Variants in DSCAM observed in about 807,000 individuals in gnomAD.
DSCAM encodes the protein cell adhesion molecule DSCAM.
DSCAM carries 47 observed loss-of-function variants against 217.7 expected under a neutral mutation model. The observed-to-expected ratio is 0.22, with a 90% CI of 0.17 to 0.28. DSCAM has a LOEUF of 0.28. Ranked by LOEUF, DSCAM falls within the 10% of genes least tolerant of loss-of-function variation. DSCAM has a pLI of 1.00. For synonymous variants in DSCAM, 1,056 were observed against 1,015.3 expected (o/e 1.04, Z -0.76); for missense variants, 2,080 against 2,618.3 (o/e 0.79, Z 4.49).
chr21:40,166,831 C>T (rs1468418438), intron 16 of DSCAM, among the ~76,000 whole-genome samples: 1 of 152,018 alleles, frequency 6.6e-6, no homozygotes, highest in East Asian at 1.9e-4. Context: ...TGTTTTCTGC[C>T]ACCTCGGTGG....
At chr21:40,210,747 G>A (rs574874310) in intron 11 of DSCAM, among the ~76,000 whole-genome samples, 1 of 152,288 alleles carries the variant, frequency 6.6e-6, no homozygotes, top group East Asian at 1.9e-4. Flanking sequence ...GTTCCACCAT[G>A]TTGGCCAGGC....
intron 10 of DSCAM, among the ~76,000 whole-genome samples, chr21:40,278,800 A>T (rs1411173679): frequency 6.6e-6 from 1 of 152,140 alleles, no homozygotes. Flanking sequence ...AGAAGAATTG[A>T]TCTTTGTCCT....
At chr21:40,702,569 C>T (rs1275422179) in intron 2 of DSCAM, among the ~76,000 whole-genome samples, 1 of 152,066 alleles carries the variant, frequency 6.6e-6, no homozygotes, top group Non-Finnish European at 1.5e-5. Flanking sequence ...GTGTTAAATC[C>T]AATCTGGCAA....
intron 11 of DSCAM, among the ~76,000 whole-genome samples, chr21:40,200,502 A>G (rs1601434438): frequency 6.6e-6 from 1 of 152,208 alleles, no homozygotes; most frequent in East Asian, 1.9e-4. Flanking sequence ...CTAAGCCTGA[A>G]TTATATTTCA....
Position 40,636,883 on chromosome 21 carries a change from A to G in DSCAM, c.508+55927T>C, listed in dbSNP as rs577997704. ...GGATCAGAGACAGGCAGCTAATAAAAGGTTCATCAGGAATGGCTGAGAAGC... is the reference window on the plus strand; with the variant it reads ...GGATCAGAGACAGGCAGCTAATAAAGGGTTCATCAGGAATGGCTGAGAAGC... On this transcript the variant is annotated intron_variant, in intron 3 of 32. Coordinates refer to ENST00000400454, the MANE Select transcript of DSCAM (RefSeq NM_001389.5). Among the ~76,000 whole-genome samples the G allele has an allele frequency of 2.7e-5, 4 of 150,284 alleles. No homozygotes were observed. The South Asian group carries it at 6.3e-4, about 24-fold the overall frequency.
chr21:40,523,621 C>A (rs1376885713), intron 3 of DSCAM, among the ~76,000 whole-genome samples: 1 of 152,146 alleles, frequency 6.6e-6, no homozygotes, highest in African/African-American at 2.4e-5. Context: ...TTCCACTCAA[C>A]AAAACCTTGC....
chr21:40,609,083 T>C (rs183962957), intron 3 of DSCAM, among the ~76,000 whole-genome samples: 21 of 152,288 alleles, frequency 1.4e-4, no homozygotes, highest in African/African-American at 4.8e-4. Context: ...GGCCCCTGCA[T>C]AGCTTGGACT....
At chr21:40,521,781 T>C (rs2076361203) in intron 3 of DSCAM, among the ~76,000 whole-genome samples, 2 of 152,148 alleles carry the variant, frequency 1.3e-5, no homozygotes, top group Admixed American at 6.5e-5. Context: ...GTGCTGGCGT[T>C]CTGTTGCACA....
At chr21:40,147,421 C>A (rs2090370123) in intron 16 of DSCAM, among the ~76,000 whole-genome samples, 1 of 152,158 alleles carries the variant, frequency 6.6e-6, no homozygotes, top group Non-Finnish European at 1.5e-5. Flanking sequence ...CTATAATAGA[C>A]AACGCAGGTG....
At chr21:40,486,711 G>A (rs2076031411) in intron 3 of DSCAM, among the ~76,000 whole-genome samples, 1 of 152,044 alleles carries the variant, frequency 6.6e-6, no homozygotes, top group Admixed American at 6.6e-5. Context: ...ATTTTCACGG[G>A]GTAAACTGAT....
chr21:40,649,773 C>T (rs1195933451), intron 3 of DSCAM, among the ~76,000 whole-genome samples: 1 of 152,210 alleles, frequency 6.6e-6, no homozygotes, highest in Non-Finnish European at 1.5e-5. Context: ...CCAGCAAGCC[C>T]AGGGCACTGC....
At chr21:40,830,391 C>A (rs377470894) in intron 1 of DSCAM, among the ~76,000 whole-genome samples, 2 of 152,322 alleles carry the variant, frequency 1.3e-5, no homozygotes, top group East Asian at 1.9e-4. Flanking sequence ...AAGCCGTGAT[C>A]CAAACGTCTC....
intron 3 of DSCAM, among the ~76,000 whole-genome samples, chr21:40,533,679 A>G (rs930709203): frequency 4.1e-5 from 6 of 147,394 alleles, no homozygotes; most frequent in Non-Finnish European, 9.0e-5. Flanking sequence ...CCATCTGTCC[A>G]TCCATCCATC....
At chr21:40,768,088 A>G (rs1332721724) in intron 1 of DSCAM, among the ~76,000 whole-genome samples, 2 of 152,274 alleles carry the variant, frequency 1.3e-5, no homozygotes, top group South Asian at 2.1e-4. Context: ...AAACACTGTT[A>G]AAGTCGATTT....
chr21:40,641,582 T>C (rs1449257720), intron 3 of DSCAM, among the ~76,000 whole-genome samples: 1 of 152,200 alleles, frequency 6.6e-6, no homozygotes. Flanking sequence ...TTTCTCCTTC[T>C]CTTAAATATG....
chr21:40,148,852 A>G (rs935502955), intron 16 of DSCAM, among the ~76,000 whole-genome samples: 11 of 152,096 alleles, frequency 7.2e-5, no homozygotes, highest in African/African-American at 2.4e-4. Flanking sequence ...TATCAACATC[A>G]CTGCCATAAA....
chr21:40,333,991 A>T (rs1024613570), intron 8 of DSCAM, among the ~76,000 whole-genome samples: 4 of 152,232 alleles, frequency 2.6e-5, no homozygotes, highest in African/African-American at 4.8e-5. Context: ...AAATCTAAAA[A>T]TAGGTAAACT....
chr21:40,686,194 C>T (rs979590942), intron 3 of DSCAM, among the ~76,000 whole-genome samples: 4 of 106,922 alleles, frequency 3.7e-5, no homozygotes, highest in Admixed American at 1.0e-4. Context: ...ACACACACCA[C>T]ATAGCACGTA....
At chr21:40,117,403 G>A (rs1235752033) in intron 20 of DSCAM, among the ~76,000 whole-genome samples, 1 of 152,146 alleles carries the variant, frequency 6.6e-6, no homozygotes, top group Non-Finnish European at 1.5e-5. Flanking sequence ...GGGAAGGCAG[G>A]TAAGCATGAG....
Sources: gnomAD v4.1 joint callset for allele counts (sites outside exome capture counted in the v4.1 genomes callset) on GRCh38, gnomAD v4.1.1 for gene constraint, MANE v1.5 for transcripts, NCBI Gene and HGNC (gene_info 2026-07-23, HGNC 2026-07-21) for gene names.